The following RAB3C variants were observed in gnomAD, a reference collection of about 807,000 sequenced individuals.
RAB3C encodes ras-related protein Rab-3C.
In RAB3C, 17 loss-of-function variants were observed where a neutral mutation model predicts 26.4. That is an observed-to-expected ratio of 0.64 (90% confidence interval 0.44 to 0.97). The LOEUF (loss-of-function observed/expected upper bound fraction) is 0.97. RAB3C is among the 50% of genes least tolerant of loss of function. The probability of loss-of-function intolerance (pLI) is 0.00; values close to 1 mark genes in which losing one functional copy is unlikely to be tolerated. For missense variants in RAB3C, 242 were observed against 281.9 expected, an observed-to-expected ratio of 0.86 and a Z score of 1.01; for synonymous variants, 91 against 95.9, an observed-to-expected ratio of 0.95 and a Z score of 0.30.
rs150468974 is a variant in RAB3C at position 58,686,693 on chromosome 5, T to TACAC, written c.253-39294_253-39291dup. Among the ~76,000 whole-genome samples, 150 of 114,242 alleles carry TACAC rather than the reference T, an allele frequency of 1.3e-3. 1 individual carries two copies. The highest frequency in any genetic ancestry group is 3.7e-3 in the African/African-American group (142 of 38,134). The allele number at this position is 114,242 out of a possible 152,430, so 74.9% of individuals were successfully genotyped here. A position where few individuals can be genotyped will look rare whatever the true frequency, so the allele number is the denominator to read the frequency against. ...ACACACACACATACACACACACACA[T>TACAC]ACACACACACACACACACGCATGCA... On this transcript the variant is annotated intron_variant, in intron 2 of 4. Coordinates refer to ENST00000282878, the MANE Select transcript of RAB3C (RefSeq NM_138453.4).
At chr5:58,711,950 A>G (rs958707284) in intron 2 of RAB3C, among the ~76,000 whole-genome samples, 1 of 152,164 alleles carries the variant, frequency 6.6e-6, no homozygotes, top group African/African-American at 2.4e-5. Flanking sequence ...GCAATACCTG[A>G]ATATTGTTTC....
At chr5:58,777,686 G>A (rs1742178066) in intron 3 of RAB3C, among the ~76,000 whole-genome samples, 1 of 150,060 alleles carries the variant, frequency 6.7e-6, no homozygotes, top group South Asian at 2.1e-4. Context: ...ATGTTGGTGT[G>A]CTGTACCCAT....
chr5:58,612,115 T>C (rs997328127), intron 1 of RAB3C, among the ~76,000 whole-genome samples: 6 of 152,170 alleles, frequency 3.9e-5, no homozygotes, highest in African/African-American at 7.2e-5. Flanking sequence ...ACCAGTATCA[T>C]GCTGTTTTGG....
intron 2 of RAB3C, among the ~76,000 whole-genome samples, chr5:58,619,473 T>C (rs1388819123): frequency 1.3e-5 from 2 of 152,200 alleles, no homozygotes; most frequent in African/African-American, 4.8e-5. Context: ...GTTCCTTAAT[T>C]CTCAGGGGCT....
intron 2 of RAB3C, among the ~76,000 whole-genome samples, chr5:58,672,545 C>T (rs1023284629): frequency 6.6e-5 from 10 of 152,170 alleles, no homozygotes; most frequent in Non-Finnish European, 1.5e-4. Flanking sequence ...AGGAATTAAA[C>T]TCTGAAAGGT....
chr5:58,636,803 G>T (rs1000127231), intron 2 of RAB3C, among the ~76,000 whole-genome samples: 8 of 152,126 alleles, frequency 5.3e-5, no homozygotes, highest in African/African-American at 1.9e-4. Flanking sequence ...CAAAAAGATA[G>T]GAAGGGCATA....
At chr5:58,778,518 C>T (rs1475610915) in intron 3 of RAB3C, among the ~76,000 whole-genome samples, 9 of 152,134 alleles carry the variant, frequency 5.9e-5, no homozygotes, top group Admixed American at 3.9e-4. Flanking sequence ...TCCAGTGCTG[C>T]ATGAGTTGAA....
At chr5:58,684,722 T>C (rs1316187806) in intron 2 of RAB3C, among the ~76,000 whole-genome samples, 2 of 152,166 alleles carry the variant, frequency 1.3e-5, no homozygotes, top group African/African-American at 4.8e-5. Context: ...ATAAAACCGT[T>C]ATCTGGCTTT....
chr5:58,642,962 ATGTGATGAAT>A (rs1561276399), intron 2 of RAB3C, among the ~76,000 whole-genome samples: 1 of 152,208 alleles, frequency 6.6e-6, no homozygotes, highest in Non-Finnish European at 1.5e-5. Flanking sequence ...AGAAGGTCAC[ATGTGATGAAT>A]TGAAAGGTAG....
chr5:58,727,501 G>A (rs1274352014), intron 3 of RAB3C, among the ~76,000 whole-genome samples: 2 of 151,760 alleles, frequency 1.3e-5, no homozygotes, highest in Admixed American at 1.3e-4. Flanking sequence ...ATAAACTCAA[G>A]GCAATCTTAA....
chr5:58,608,376 A>T (rs1451799974), intron 1 of RAB3C, among the ~76,000 whole-genome samples: 2 of 152,226 alleles, frequency 1.3e-5, no homozygotes, highest in Non-Finnish European at 2.9e-5. Flanking sequence ...AATTGGGCAA[A>T]GGATATGAAC....
intron 2 of RAB3C, among the ~76,000 whole-genome samples, chr5:58,662,497 CCAAGTATATTAA>C (rs1747925217): frequency 6.7e-6 from 1 of 149,762 alleles, no homozygotes; most frequent in South Asian, 2.1e-4. Context: ...AAACACCAAG[CCAAGTATATTAA>C]AATTAATTCT....
rs1313947604 is a variant in RAB3C at position 58,656,450 on chromosome 5, C to CAT, written c.252+38585_252+38586dup. Among the ~76,000 whole-genome samples, 3 of 151,996 alleles carry CAT rather than the reference C, an allele frequency of 2.0e-5. No homozygotes were observed. The East Asian group carries it at 5.8e-4, about 29-fold the overall frequency. On this transcript the variant is annotated intron_variant, in intron 2 of 4. Transcript: ENST00000282878. Reference sequence around the variant, plus strand: ...TGAATTAACCATTCCATAATGTATACATATATCAAAACACCATATTGTATG... The same window carrying CAT: ...TGAATTAACCATTCCATAATGTATACATATATATCAAAACACCATATTGTATG...
intron 2 of RAB3C, among the ~76,000 whole-genome samples, chr5:58,663,393 G>A (rs1303356607): frequency 6.7e-6 from 1 of 149,684 alleles, no homozygotes; most frequent in Non-Finnish European, 1.5e-5. Context: ...TCCATCCTTG[G>A]GCAGACATTC....
intron 2 of RAB3C, among the ~76,000 whole-genome samples, chr5:58,682,650 C>G (rs113993645): frequency 0.023 from 3,440 of 150,284 alleles, 135 homozygotes; most frequent in African/African-American, 0.08. Flanking sequence ...TGCCACTGCA[C>G]TCCAGCCTGG....
At chr5:58,631,072 G>A (rs150789276) in intron 2 of RAB3C, among the ~76,000 whole-genome samples, 1 of 152,308 alleles carries the variant, frequency 6.6e-6, no homozygotes, top group Non-Finnish European at 1.5e-5. Flanking sequence ...GTATCTGAGT[G>A]AGAGAATGAG....
At chr5:58,814,648 G>A (rs1172172880) in intron 3 of RAB3C, 1 of 152,116 alleles carries the variant, frequency 6.6e-6, no homozygotes, top group Non-Finnish European at 1.5e-5. Flanking sequence ...CTTGAGCTGA[G>A]GAACGTCTTA....
chr5:58,600,897 G>A (rs1004201462), intron 1 of RAB3C, among the ~76,000 whole-genome samples: 1 of 152,124 alleles, frequency 6.6e-6, no homozygotes, highest in Non-Finnish European at 1.5e-5. Context: ...GAGGAGTGGT[G>A]AGAGTGGGCA....
chr5:58,806,010 C>G lies in RAB3C; in HGVS notation c.372-19028C>G, dbSNP rs1157150038. On this transcript the variant is annotated intron_variant, in intron 3 of 4. Transcript: ENST00000282878. The stretch of plus-strand genomic sequence containing the variant: ...AAGCATTCTGATGGGTAGACAGATT[C>G]TTTGTAGCCAAGAGAAATTTTGTAA... Among the ~76,000 whole-genome samples the G allele has an allele frequency of 5.9e-5, 9 of 152,186 alleles. No homozygotes were observed. In the South Asian group the frequency reaches 1.9e-3, roughly 32 times the overall value.
Sources: gnomAD v4.1 joint callset for allele counts (sites outside exome capture counted in the v4.1 genomes callset) on GRCh38, gnomAD v4.1.1 for gene constraint, MANE v1.5 for transcripts, NCBI Gene and HGNC (gene_info 2026-07-23, HGNC 2026-07-21) for gene names.